PLA1A: variants seen among roughly 807,000 people sequenced by gnomAD.
PLA1A encodes phosphatidylserine-specific phospholipase A1alpha.
PLA1A carries 47 observed loss-of-function variants against 49.4 expected under a neutral mutation model. The observed-to-expected ratio is 0.95, with a 90% CI of 0.75 to 1.21. The LOEUF is 1.21. PLA1A is among the 50% of genes most tolerant of loss of function. The pLI is 0.00. For missense variants in PLA1A, 561 were observed against 563.9 expected (o/e 0.99, Z 0.05); for synonymous variants, 224 against 207.9 (o/e 1.08, Z -0.67).
Position 119,629,550 on chromosome 3 carries a change from C to A in PLA1A, c.*82C>A. On this transcript the variant is annotated 3_prime_UTR_variant, in exon 11 of 11. Transcript: ENST00000273371. ...TGTGATGAGGGATGTGTGTGTGCAG[C>A]TTATTGTAGACCATTACTACTAAGG... 1 of 778,580 alleles carries A rather than the reference C, an allele frequency of 1.3e-6. No individual in the cohort carries two copies. The allele number at this position is 778,580 out of a possible 1,614,324, so 48.2% of individuals were successfully genotyped here. A position where few individuals can be genotyped will look rare whatever the true frequency, so the allele number is the denominator to read the frequency against.
chr3:119,600,153 G>A (rs2082598176), intron 1 of PLA1A: 4 of 517,154 alleles, frequency 7.7e-6, no homozygotes, highest in Admixed American at 3.2e-5. Flanking sequence ...AGGTTCAGGA[G>A]GTATCCAGGT....
At chr3:119,619,791 C>A (rs2082904017) in intron 8 of PLA1A, 139 bp downstream of exon 8, 2 of 674,296 alleles carry the variant, frequency 3.0e-6, no homozygotes, top group Non-Finnish European at 2.7e-6. Flanking sequence ...CTGGTCTGAA[C>A]CAAAACTTTC....
intron 1 of PLA1A, among the ~76,000 whole-genome samples, chr3:119,600,974 T>C (rs2049501): frequency 0.23 from 34,401 of 152,166 alleles, 4,780 homozygotes; most frequent in East Asian, 0.46. Context: ...AAGTCAGCTA[T>C]TGGGAGGGGG....
At position 119,602,382 on chromosome 3, in the gene PLA1A, C is replaced by T. The variant is rs139615438; in HGVS notation, c.74-4392C>T. Among the ~76,000 whole-genome samples, 222 of 152,174 alleles carry T rather than the reference C, an allele frequency of 1.5e-3. 1 individual carries two copies. Among genetic ancestry groups the T allele is most frequent in the Non-Finnish European group, 5.7e-4 (39 of 68,000 alleles). ...TTCTTGACTAAGTTTTGGTAAGTTACGTTTTTCTAGGAAATGATCCATTTT... is the reference window on the plus strand; with the variant it reads ...TTCTTGACTAAGTTTTGGTAAGTTATGTTTTTCTAGGAAATGATCCATTTT... On this transcript the variant is annotated intron_variant, in intron 1 of 10. Transcript: ENST00000273371.
At position 119,598,393 on chromosome 3, in the gene PLA1A, A is replaced by T. The variant is rs553665453; in HGVS notation, c.73+407A>T. The stretch of plus-strand genomic sequence containing the variant: ...TAATGATTTTGTCACTGAGATTGTT[A>T]GATGTCCTTTCTAATCCAGCAACCT... On this transcript the variant is annotated intron_variant, in intron 1 of 10. Transcript: ENST00000273371. 9.2e-5 allele frequency among the ~76,000 whole-genome samples: 14 copies of T among 152,284 alleles called. No homozygotes were observed. The South Asian group carries it at 2.9e-3, about 32-fold the overall frequency.
intron 7 of PLA1A, among the ~76,000 whole-genome samples, chr3:119,618,729 T>C (rs1300585545): frequency 6.6e-6 from 1 of 152,056 alleles, no homozygotes; most frequent in African/African-American, 2.4e-5. Context: ...CTCACTTGTG[T>C]AGATCATTGC....
At chr3:119,611,083 A>G (rs2082759041) in intron 4 of PLA1A, among the ~76,000 whole-genome samples, 1 of 152,056 alleles carries the variant, frequency 6.6e-6, no homozygotes. Context: ...TCCTCTAAAA[A>G]AAGTGTTAAT....
intron 10 of PLA1A, 112 bp downstream of exon 10, chr3:119,628,977 T>C: frequency 1.1e-6 from 1 of 901,792 alleles, no homozygotes; most frequent in Non-Finnish European, 1.7e-6. Flanking sequence ...ATTATCATCT[T>C]AGAAGCAGAG....
At chr3:119,622,914 C>A (rs369709400) in intron 8 of PLA1A, among the ~76,000 whole-genome samples, 1 of 152,148 alleles carries the variant, frequency 6.6e-6, no homozygotes, top group East Asian at 1.9e-4. Context: ...GCAACCTCCG[C>A]CTCTTGGGTT....
intron 9 of PLA1A, among the ~76,000 whole-genome samples, chr3:119,626,694 C>T (rs1366639871): frequency 6.6e-6 from 1 of 152,172 alleles, no homozygotes; most frequent in African/African-American, 2.4e-5. Context: ...ATGAACTCTG[C>T]TGTGAGGCAC....
chr3:119,622,426 G>T (rs780033843), intron 8 of PLA1A, among the ~76,000 whole-genome samples: 3 of 152,190 alleles, frequency 2.0e-5, no homozygotes, highest in Non-Finnish European at 1.5e-5. Context: ...CTGAGAAGGA[G>T]AGACAGACAG....
intron 9 of PLA1A, among the ~76,000 whole-genome samples, 162 bp downstream of exon 9, chr3:119,625,394 C>T (rs1009627955): frequency 6.6e-6 from 1 of 152,176 alleles, no homozygotes; most frequent in African/African-American, 2.4e-5. Flanking sequence ...GCCACAGACA[C>T]ATGCTGAGGA....
chr3:119,614,932 T>A (rs1577146593), intron 5 of PLA1A, among the ~76,000 whole-genome samples: 1 of 151,454 alleles, frequency 6.6e-6, no homozygotes, highest in African/African-American at 2.4e-5. Context: ...GGGGTCCGGG[T>A]GAGAGATGAT....
At chr3:119,621,156 G>T (rs928374841) in intron 8 of PLA1A, among the ~76,000 whole-genome samples, 1 of 152,202 alleles carries the variant, frequency 6.6e-6, no homozygotes, top group African/African-American at 2.4e-5. Context: ...ACCTGAGCTG[G>T]TGCCTCTGTG....
intron 6 of PLA1A, among the ~76,000 whole-genome samples, chr3:119,617,748 A>AAAAAG (rs1158078922): frequency 3.0e-4 from 46 of 151,532 alleles, no homozygotes; most frequent in African/African-American, 2.9e-4. Flanking sequence ...GTCTCAAAAA[A>AAAAAG]AAAAGAAAAG....
At position 119,606,836 on chromosome 3, in the gene PLA1A, G is replaced by A; in HGVS notation, c.136G>A (p.Gly46Ser). 6.2e-7 allele frequency: 1 copy of A among 1,614,166 alleles called. No homozygotes were observed. Among genetic ancestry groups the A allele is most frequent in the South Asian group, 1.1e-5 (1 of 91,078 alleles). ...CTTCCAGAGCGCCAACCTTTTTGAA[G>A]GCACCGATCTCAAAGTCCAGTTTCT... ...ADFQSANLFE[G>S]TDLKVQFLLF... The change falls in exon 2 of 11, where the codon GGC becomes AGC. Residue 46 changes from glycine (G) to serine (S), a missense_variant. Transcript: ENST00000273371.
chr3:119,612,249 C>G (rs2107786638), intron 4 of PLA1A, among the ~76,000 whole-genome samples: 1 of 152,266 alleles, frequency 6.6e-6, no homozygotes, highest in East Asian at 1.9e-4. Flanking sequence ...CTACTTTGAA[C>G]TCTTGTGGCA....
intron 5 of PLA1A, among the ~76,000 whole-genome samples, chr3:119,613,893 C>CA (rs71658500): frequency 0.21 from 30,674 of 145,508 alleles, 3,926 homozygotes; most frequent in East Asian, 0.44. Context: ...ACTCTGTCTC[C>CA]AAAAAAAAGA....
chr3:119,606,679 C>A, intron 1 of PLA1A, 95 bp from the exon 2 acceptor site: 1 of 880,890 alleles, frequency 1.1e-6, no homozygotes, highest in Non-Finnish European at 1.8e-6. Context: ...CCTGCAGGCC[C>A]CTGTTTCTTG....
Sources: gnomAD v4.1 joint callset for allele counts (sites outside exome capture counted in the v4.1 genomes callset) on GRCh38, gnomAD v4.1.1 for gene constraint, MANE v1.5 for transcripts, NCBI Gene and HGNC (gene_info 2026-07-23, HGNC 2026-07-21) for gene names.